Variants in PPP4R3B observed in about 807,000 individuals in gnomAD.
PPP4R3B encodes the protein protein phosphatase 4 regulatory subunit 3B.
Under a neutral mutation model 95.4 loss-of-function variants are expected in PPP4R3B, and 52 were observed. The observed-to-expected ratio is 0.54, with a 90% confidence interval of 0.44 to 0.69. PPP4R3B has a LOEUF of 0.69. PPP4R3B is among the 30% of genes least tolerant of loss of function. PPP4R3B has a pLI of 0.00. For missense variants in PPP4R3B, 1,003 were observed against 1,005.9 expected, an observed-to-expected ratio of 1.00 and a Z score of 0.04; for synonymous variants, 407 against 343.9, an observed-to-expected ratio of 1.18 and a Z score of -2.03.
intron 4 of PPP4R3B, chr2:55,591,587 A>G: frequency 3.1e-6 from 3 of 983,506 alleles, no homozygotes; most frequent in Non-Finnish European, 3.6e-6. Context: ...TGAAAATTTA[A>G]TTTTTTCAAA....
chr2:55,562,940 A>G (rs1221303574), intron 15 of PPP4R3B, among the ~76,000 whole-genome samples: 1 of 152,214 alleles, frequency 6.6e-6, no homozygotes, highest in East Asian at 1.9e-4. Context: ...CAAGTCCGTA[A>G]GTCCTAAATA....
In PPP4R3B at chr2:55,573,679, T is replaced by C; in HGVS notation, c.1705A>G (p.Lys569Glu). ...TYHIKNYIMN[K>E]DLLRRVLVLM... is the part of the protein sequence containing the mutation. ...ACCAAGACTCTTCTTAGCAAGTCCTTGTTCATAATATAGTTTTTTATGTGA... is the reference window on the plus strand; with the variant it reads ...ACCAAGACTCTTCTTAGCAAGTCCTCGTTCATAATATAGTTTTTTATGTGA... The change falls in exon 12 of 17, where the codon AAG becomes GAG. Residue 569 changes from lysine (K) to glutamate (E), a missense_variant. This residue lies in a region of PPP4R3B where 695 missense variants were observed against 686.2 expected (regional missense o/e 1.01). Coordinates refer to ENST00000616407, the MANE Select transcript of PPP4R3B (RefSeq NM_001122964.3). 1 of 1,545,990 alleles carries C rather than the reference T, an allele frequency of 6.5e-7. No individual in the cohort carries two copies. The highest frequency in any genetic ancestry group is 1.4e-5 in the African/African-American group (1 of 72,846).
intron 3 of PPP4R3B, among the ~76,000 whole-genome samples, chr2:55,603,322 G>C (rs561014602): frequency 6.6e-6 from 1 of 152,284 alleles, no homozygotes; most frequent in East Asian, 1.9e-4. Flanking sequence ...TGGGGTAGTA[G>C]GATGGGACAA....
At chr2:55,592,043 C>G (rs1360868941) in intron 4 of PPP4R3B, among the ~76,000 whole-genome samples, 1 of 152,012 alleles carries the variant, frequency 6.6e-6, no homozygotes, top group Non-Finnish European at 1.5e-5. Context: ...TAAAAAAACA[C>G]TGTGGGGAAA....
intron 3 of PPP4R3B, among the ~76,000 whole-genome samples, chr2:55,601,504 C>A (rs575643664): frequency 1.0e-3 from 153 of 152,194 alleles, no homozygotes; most frequent in African/African-American, 2.7e-3. Context: ...CCTCAGCCTC[C>A]CAAGTAGCTG....
chr2:55,595,604 C>A (rs1042026420), intron 4 of PPP4R3B, among the ~76,000 whole-genome samples: 6 of 151,758 alleles, frequency 4.0e-5, no homozygotes, highest in Non-Finnish European at 8.8e-5. Context: ...AAAATTTAAA[C>A]TTTTATAAAA....
Position 55,585,187 on chromosome 2 carries a change from GTTAC to G in PPP4R3B, c.1117-24_1117-21del, listed in dbSNP as rs1469027521. The G allele has an allele frequency of 6.5e-7, 1 of 1,542,378 alleles. No homozygotes were observed. Among genetic ancestry groups the G allele is most frequent in the Non-Finnish European group, 8.8e-7 (1 of 1,132,860 alleles). ...CATGCCCTGATAAAAGGAAAATTAG[GTTAC>G]TTAGAGACTGTTAACAAAAGTTATT... On this transcript the variant is annotated intron_variant, in intron 6 of 16. Transcript: ENST00000616407.
Position 55,580,344 on chromosome 2 carries a change from T to C in PPP4R3B, c.1366-563A>G, listed in dbSNP as rs184025416. ...AGCACCATAATCACTATTGATCCCA[T>C]TTGTCTCTCTCTCTCTGCAGTGTAT... On this transcript the variant is annotated intron_variant, in intron 8 of 16. Transcript: ENST00000616407. Among the ~76,000 whole-genome samples, 51 of 152,262 alleles carry C rather than the reference T, an allele frequency of 3.3e-4. 1 individual carries two copies. The East Asian group carries it at 9.1e-3, about 27-fold the overall frequency.
intron 15 of PPP4R3B, 128 bp downstream of exon 15, chr2:55,564,185 A>T (rs1686986919): frequency 3.0e-6 from 2 of 666,266 alleles, no homozygotes; most frequent in Non-Finnish European, 4.6e-6. Flanking sequence ...ATTTTAAAAG[A>T]ACACAGTTTG....
Position 55,586,741 on chromosome 2 carries a change from T to C in PPP4R3B, c.1000-7A>G, listed in dbSNP as rs772386558. On this transcript the variant is annotated splice_region_variant and splice_polypyrimidine_tract_variant and intron_variant, in intron 5 of 16. Coordinates refer to ENST00000616407, the MANE Select transcript of PPP4R3B (RefSeq NM_001122964.3). ...ACTCCTTGAAAAAATTAACCTGTAA[T>C]GTCAGAAATTTTAGTGAGACATTGA... 5.8e-6 allele frequency: 9 copies of C among 1,552,892 alleles called. No homozygotes were observed. The highest frequency in any genetic ancestry group is 2.3e-5 in the East Asian group (1 of 44,252).
At chr2:55,560,179 GTTGGAACAAT>G (rs1178754787) in intron 15 of PPP4R3B, among the ~76,000 whole-genome samples, 1 of 152,162 alleles carries the variant, frequency 6.6e-6, no homozygotes, top group Non-Finnish European at 1.5e-5. Context: ...ATAGACAGAG[GTTGGAACAAT>G]TTGGAGGGCT....
At chr2:55,573,559 TG>T in intron 12 of PPP4R3B, 59 bp downstream of exon 12, 2 of 1,419,330 alleles carry the variant, frequency 1.4e-6, no homozygotes, top group East Asian at 2.6e-5. Context: ...TAACTTCAAA[TG>T]GGTAACTTCA....
Position 55,598,542 on chromosome 2 carries a change from C to T in PPP4R3B, c.795G>A (p.Gln265=). 6.2e-7 allele frequency: 1 copy of T among 1,614,068 alleles called. No individual in the cohort carries two copies. The highest frequency in any genetic ancestry group is 8.5e-7 in the Non-Finnish European group (1 of 1,180,014). ...CCTGAATGTACTGTACCCTGTAAGT[C>T]TGATGTATTTTTTGCCTTAGTTCAG... ...TDSELRQKIH[Q]TYRVQYIQDI... Residue 265 remains glutamine, a synonymous_variant, in exon 4 of 17, where the codon CAG becomes CAA. Coordinates refer to ENST00000616407, the MANE Select transcript of PPP4R3B (RefSeq NM_001122964.3).
At chr2:55,617,008 G>A (rs559011039) in intron 1 of PPP4R3B, 136 bp downstream of exon 1, 48 of 948,900 alleles carry the variant, frequency 5.1e-5, no homozygotes, top group Non-Finnish European at 7.1e-5. Context: ...CTTTGTTTTT[G>A]CCGTACACAA....
chr2:55,605,953 CAA>C (rs991093865), intron 2 of PPP4R3B, among the ~76,000 whole-genome samples: 4 of 148,796 alleles, frequency 2.7e-5, no homozygotes, highest in Non-Finnish European at 6.0e-5. Context: ...TCATCATCCA[CAA>C]AAGTTTTCAA....
At chr2:55,570,265 T>G (rs1687843248) in intron 12 of PPP4R3B, among the ~76,000 whole-genome samples, 1 of 152,174 alleles carries the variant, frequency 6.6e-6, no homozygotes, top group African/African-American at 2.4e-5. Context: ...ACAAACAATT[T>G]GTGAACCAAT....
At chr2:55,569,615 G>A (rs1438059128) in intron 12 of PPP4R3B, among the ~76,000 whole-genome samples, 1 of 152,132 alleles carries the variant, frequency 6.6e-6, no homozygotes, top group Non-Finnish European at 1.5e-5. Flanking sequence ...AGGCAGGGAG[G>A]AGCCCCCTGT....
intron 4 of PPP4R3B, among the ~76,000 whole-genome samples, chr2:55,594,692 G>A (rs1357953055): frequency 6.6e-6 from 1 of 152,160 alleles, no homozygotes; most frequent in Non-Finnish European, 1.5e-5. Context: ...TACAGACTGT[G>A]ACTCTGTCCA....
At chr2:55,593,872 C>T (rs976760146) in intron 4 of PPP4R3B, among the ~76,000 whole-genome samples, 7 of 152,226 alleles carry the variant, frequency 4.6e-5, no homozygotes, top group South Asian at 2.1e-4. Context: ...GTATATTGAT[C>T]GCAGCACTAT....
Sources: allele counts gnomAD v4.1 joint callset (sites outside exome capture counted in the v4.1 genomes callset), GRCh38; gene constraint gnomAD v4.1.1; regional missense constraint gnomAD v4.1.1; transcripts MANE v1.5; gene names NCBI Gene and HGNC (gene_info 2026-07-23, HGNC 2026-07-21).